The following FAM227B variants were observed in gnomAD, a reference collection of about 807,000 sequenced individuals.
The protein encoded by FAM227B is family with sequence similarity 227 member B, also known as protein FAM227B.
In FAM227B, 88 loss-of-function variants were observed where a neutral mutation model predicts 73.8. That is an observed-to-expected ratio of 1.19 (90% confidence interval 1.00 to 1.42). FAM227B has a LOEUF of 1.42. Ranked by LOEUF, FAM227B falls within the 40% of genes most tolerant of loss-of-function variation. The probability of loss-of-function intolerance (pLI) is 0.00; values close to 1 mark genes in which losing one functional copy is unlikely to be tolerated. For synonymous variants in FAM227B, 210 were observed against 190.5 expected, an observed-to-expected ratio of 1.10 and a Z score of -0.84; for missense variants, 632 against 590.9, an observed-to-expected ratio of 1.07 and a Z score of -0.72.
rs544871500 is a variant in FAM227B at position 49,412,957 on chromosome 15, A to T, written c.1013-41558T>A. Among the ~76,000 whole-genome samples the T allele has an allele frequency of 5.3e-5, 8 of 152,226 alleles. No individual in the cohort carries two copies. The South Asian group carries it at 6.2e-4, about 12-fold the overall frequency. Reference sequence around the variant, plus strand: ...GGGTGATAGCATTTCTCTCAGCCAAACTTTCCAGTTGTCTGATTTTCCCCT... The same window carrying T: ...GGGTGATAGCATTTCTCTCAGCCAATCTTTCCAGTTGTCTGATTTTCCCCT... On this transcript the variant is annotated intron_variant, in intron 11 of 15. Coordinates refer to ENST00000299338, the MANE Select transcript of FAM227B (RefSeq NM_152647.3).
intron 11 of FAM227B, among the ~76,000 whole-genome samples, chr15:49,451,808 C>G (rs2052771485): frequency 6.6e-6 from 1 of 152,046 alleles, no homozygotes; most frequent in South Asian, 2.1e-4. Flanking sequence ...ATATAGCAAT[C>G]AAGAGCGGTC....
At chr15:49,367,866 G>GAAAAAAAAAAAAAAAA (rs34096112) in intron 12 of FAM227B, 1 of 116,852 alleles carries the variant, frequency 8.6e-6, no homozygotes, top group Non-Finnish European at 1.8e-5. Context: ...CTTAAGAACA[G>GAAAAAAAAAAAAAAAA]AAAAAAAAAA....
intron 11 of FAM227B, among the ~76,000 whole-genome samples, chr15:49,505,618 T>A (rs2058521949): frequency 6.6e-6 from 1 of 152,042 alleles, no homozygotes; most frequent in Admixed American, 6.6e-5. Flanking sequence ...GAATGCATTT[T>A]GCAAGCATTA....
intron 13 of FAM227B, chr15:49,343,550 T>G (rs1229082937): frequency 2.0e-5 from 3 of 152,208 alleles, no homozygotes; most frequent in Non-Finnish European, 2.9e-5. Flanking sequence ...CGATTTTATT[T>G]GTTGCCTGGC....
At chr15:49,541,857 A>G (rs2071117210) in intron 9 of FAM227B, 51 bp from the exon 10 acceptor site, 1 of 1,207,274 alleles carries the variant, frequency 8.3e-7, no homozygotes, top group South Asian at 3.0e-5. Context: ...AAATTTTAAT[A>G]TATGTCAGCT....
intron 11 of FAM227B, among the ~76,000 whole-genome samples, chr15:49,452,616 T>C (rs966928978): frequency 2.0e-5 from 3 of 152,176 alleles, no homozygotes; most frequent in Non-Finnish European, 2.9e-5. Flanking sequence ...ATGCAGTCTT[T>C]AGGAAATATA....
intron 14 of FAM227B, among the ~76,000 whole-genome samples, chr15:49,335,210 T>C (rs1416870023): frequency 1.3e-5 from 2 of 152,158 alleles, no homozygotes; most frequent in Non-Finnish European, 2.9e-5. Flanking sequence ...CAAAGCTTCC[T>C]TCCTTTCTTC....
intron 10 of FAM227B, among the ~76,000 whole-genome samples, chr15:49,532,932 T>G (rs957508565): frequency 6.6e-6 from 1 of 152,098 alleles, no homozygotes; most frequent in African/African-American, 2.4e-5. Flanking sequence ...TATGGCCACT[T>G]GTAAGTCCTT....
intron 11 of FAM227B, among the ~76,000 whole-genome samples, chr15:49,395,110 C>T (rs1471963093): frequency 2.6e-5 from 4 of 152,140 alleles, no homozygotes; most frequent in Admixed American, 2.6e-4. Flanking sequence ...TTGGTACACA[C>T]ATATTAATAC....
chr15:49,367,796 G>C, intron 12 of FAM227B, 188 bp from the exon 13 acceptor site: 1 of 398,550 alleles, frequency 2.5e-6, no homozygotes, highest in Non-Finnish European at 4.3e-6. Context: ...ATGCAGTAAG[G>C]CTCTTCTACT....
At chr15:49,502,682 C>A (rs548185526) in intron 11 of FAM227B, among the ~76,000 whole-genome samples, 1 of 152,062 alleles carries the variant, frequency 6.6e-6, no homozygotes, top group East Asian at 1.9e-4. Flanking sequence ...TTAAGATTTT[C>A]GGGGACTGTT....
At chr15:49,367,786 A>G (rs8038399) in intron 12 of FAM227B, 178 bp from the exon 13 acceptor site, 439,934 of 464,012 alleles carry the variant, frequency 0.95, 208,747 homozygotes, top group African/African-American at 0.98. Flanking sequence ...CTATAAGTAC[A>G]TGCAGTAAGG....
At chr15:49,526,546 A>C (rs1402853437) in intron 10 of FAM227B, among the ~76,000 whole-genome samples, 1 of 152,098 alleles carries the variant, frequency 6.6e-6, no homozygotes, top group Non-Finnish European at 1.5e-5. Context: ...TAACAAAGAT[A>C]AGAGCAGAAG....
chr15:49,598,967 T>G (rs1159528993), intron 3 of FAM227B, among the ~76,000 whole-genome samples: 1 of 152,108 alleles, frequency 6.6e-6, no homozygotes, highest in African/African-American at 2.4e-5. Flanking sequence ...CAAATAAATT[T>G]GAAAGTATTC....
intron 10 of FAM227B, among the ~76,000 whole-genome samples, chr15:49,538,796 G>C (rs780032874): frequency 1.3e-5 from 2 of 151,452 alleles, no homozygotes; most frequent in Non-Finnish European, 2.9e-5. Context: ...CCAGAGTTCT[G>C]GTTTTTTAAA....
rs973763119 is a variant in FAM227B, at chr15:49,556,046, T to C, written c.747+12199A>G. On this transcript the variant is annotated intron_variant, in intron 9 of 15. Transcript: ENST00000299338. ...GAATTAGGTTATTATCGATGCATAT[T>C]TGACCTGCTCATCGAGTCTGACAAG... Among the ~76,000 whole-genome samples, 3 of 152,178 alleles carry C rather than the reference T, an allele frequency of 2.0e-5. 1 individual carries two copies. The highest frequency in any genetic ancestry group is 2.9e-5 in the Non-Finnish European group (2 of 68,016).
At chr15:49,344,357 T>C (rs113787067) in intron 13 of FAM227B, 2 of 152,338 alleles carry the variant, frequency 1.3e-5, no homozygotes, top group East Asian at 3.9e-4. Context: ...AATTTATGCA[T>C]TCAAGTTTTA....
At chr15:49,387,906 T>C (rs1204080274) in intron 11 of FAM227B, among the ~76,000 whole-genome samples, 1 of 151,662 alleles carries the variant, frequency 6.6e-6, no homozygotes, top group African/African-American at 2.4e-5. Flanking sequence ...ATAAAATACC[T>C]ACGAATATAT....
intron 11 of FAM227B, 53 bp downstream of exon 11, chr15:49,508,150 AAATAAATT>A: frequency 1.3e-6 from 2 of 1,526,862 alleles, no homozygotes; most frequent in Non-Finnish European, 1.8e-6. Flanking sequence ...TCTGCCTAAT[AAATAAATT>A]AATTGATTTT....
Sources: allele counts gnomAD v4.1 joint callset (sites outside exome capture counted in the v4.1 genomes callset), GRCh38; gene constraint gnomAD v4.1.1; transcripts MANE v1.5; gene names NCBI Gene and HGNC (gene_info 2026-07-23, HGNC 2026-07-21).